Variants in MCC observed in about 807,000 individuals in gnomAD.
MCC encodes MCC regulator of Wnt signaling pathway, also known as colorectal mutant cancer protein.
MCC carries 90 observed loss-of-function variants against 116.2 expected under a neutral mutation model. That is an observed-to-expected ratio of 0.77 (90% confidence interval 0.65 to 0.92). MCC has a LOEUF of 0.92. MCC is among the 40% of genes least tolerant of loss of function. The pLI, the probability that MCC is intolerant of heterozygous loss-of-function variation, is 0.00. For missense variants in MCC, 1,516 were observed against 1,312.2 expected (o/e 1.16, Z -2.40); for synonymous variants, 578 against 510.5 (o/e 1.13, Z -1.78).
Position 113,027,183 on chromosome 5 carries a change from C to T in MCC, c.*119G>A, listed in dbSNP as rs536188909. The T allele has an allele frequency of 5.2e-5, 56 of 1,071,106 alleles. No individual in the cohort carries two copies. Among genetic ancestry groups the T allele is most frequent in the South Asian group, 2.6e-4 (16 of 62,126 alleles). The allele number at this position is 1,071,106 out of a possible 1,614,324, so 66.4% of individuals were successfully genotyped here. ...TTGGGGCACTCCATTGTCCAAGTGC[C>T]GACCTACCTGCCAGCCTTCCCTTTC... On this transcript the variant is annotated 3_prime_UTR_variant, in exon 19 of 19. Transcript: ENST00000408903.
chr5:113,066,183 C>G (rs1386149631), intron 13 of MCC, among the ~76,000 whole-genome samples: 1 of 152,182 alleles, frequency 6.6e-6, no homozygotes, highest in Admixed American at 6.5e-5. Flanking sequence ...CTTTCAGCTC[C>G]TACACCAAAT....
chr5:113,324,144 G>T (rs994963200), intron 3 of MCC, among the ~76,000 whole-genome samples: 1 of 152,132 alleles, frequency 6.6e-6, no homozygotes, highest in Non-Finnish European at 1.5e-5. Flanking sequence ...TGAGGATTTT[G>T]CTGGTTTCTA....
chr5:113,126,959 A>G (rs1758089440), intron 5 of MCC, among the ~76,000 whole-genome samples: 1 of 152,162 alleles, frequency 6.6e-6, no homozygotes, highest in Non-Finnish European at 1.5e-5. Context: ...TTTGTTGTAC[A>G]GATTATTTCA....
At chr5:113,071,309 T>C in intron 11 of MCC, 75 bp from the exon 12 acceptor site, 1 of 1,516,110 alleles carries the variant, frequency 6.6e-7, no homozygotes, top group Non-Finnish European at 9.0e-7. Flanking sequence ...CTCATTTATA[T>C]TCAGGGCAGA....
intron 14 of MCC, among the ~76,000 whole-genome samples, chr5:113,059,619 A>C (rs1343291652): frequency 1.3e-5 from 2 of 152,216 alleles, no homozygotes; most frequent in African/African-American, 4.8e-5. Flanking sequence ...GGGAAGGCTA[A>C]TGACAAAAAC....
intron 1 of MCC, among the ~76,000 whole-genome samples, chr5:113,420,890 C>T (rs796803447): frequency 6.6e-6 from 1 of 152,122 alleles, no homozygotes; most frequent in Non-Finnish European, 1.5e-5. Flanking sequence ...TATTTGGAAT[C>T]AAAGGATTCT....
intron 15 of MCC, 39 bp from the exon 16 acceptor site, chr5:113,049,338 T>A (rs7708603): frequency 5.4e-6 from 8 of 1,494,270 alleles, no homozygotes; most frequent in African/African-American, 1.4e-5. Context: ...AGGCATGCCC[T>A]ATCTGAGAGC....
At chr5:113,176,146 G>C (rs973740189) in intron 3 of MCC, among the ~76,000 whole-genome samples, 2 of 152,100 alleles carry the variant, frequency 1.3e-5, no homozygotes, top group Non-Finnish European at 2.9e-5. Flanking sequence ...TGGGTAAATG[G>C]CTTTGCCTTA....
chr5:113,054,668 AC>A (rs1181749132), intron 14 of MCC, among the ~76,000 whole-genome samples: 3 of 152,170 alleles, frequency 2.0e-5, no homozygotes, highest in African/African-American at 7.2e-5. Flanking sequence ...GGAGTAGGGT[AC>A]CCCCTGGCCT....
At chr5:113,242,831 T>A (rs1289471218) in intron 3 of MCC, among the ~76,000 whole-genome samples, 1 of 151,988 alleles carries the variant, frequency 6.6e-6, no homozygotes, top group Non-Finnish European at 1.5e-5. Flanking sequence ...ACTGTGGAAA[T>A]CGAGAAAGCA....
At chr5:113,274,311 G>A (rs1300606377) in intron 3 of MCC, among the ~76,000 whole-genome samples, 3 of 152,158 alleles carry the variant, frequency 2.0e-5, no homozygotes, top group Non-Finnish European at 4.4e-5. Context: ...AAACCAATAG[G>A]GAAGCATTTG....
intron 3 of MCC, among the ~76,000 whole-genome samples, chr5:113,162,829 T>C (rs1760564556): frequency 6.6e-6 from 1 of 152,106 alleles, no homozygotes; most frequent in Non-Finnish European, 1.5e-5. Context: ...ACAATTATCA[T>C]ATGCCACCCC....
At chr5:113,029,790 C>T (rs1750829178) in intron 17 of MCC, among the ~76,000 whole-genome samples, 1 of 152,236 alleles carries the variant, frequency 6.6e-6, no homozygotes, top group South Asian at 2.1e-4. Flanking sequence ...TTCTCGACTA[C>T]TCTGACTCCC....
intron 3 of MCC, among the ~76,000 whole-genome samples, chr5:113,298,010 G>C (rs1766757152): frequency 6.6e-6 from 1 of 152,288 alleles, no homozygotes; most frequent in Middle Eastern, 3.4e-3. Context: ...TGTTCAGCAG[G>C]AGCTTGAAAT....
intron 3 of MCC, among the ~76,000 whole-genome samples, chr5:113,187,660 C>T (rs1244716847): frequency 1.3e-5 from 2 of 150,844 alleles, no homozygotes; most frequent in South Asian, 2.1e-4. Context: ...GAGGCTGAGG[C>T]GAGAGAATGG....
intron 3 of MCC, among the ~76,000 whole-genome samples, chr5:113,164,581 CA>C (rs2150299492): frequency 6.6e-6 from 1 of 152,314 alleles, no homozygotes; most frequent in East Asian, 1.9e-4. Flanking sequence ...GATCACTTTA[CA>C]AGAGTTTTCA....
intron 1 of MCC, among the ~76,000 whole-genome samples, chr5:113,479,979 T>G (rs561610020): frequency 1.3e-5 from 2 of 152,326 alleles, no homozygotes; most frequent in East Asian, 3.9e-4. Context: ...AGAATCTACT[T>G]TGCTATGAGA....
chr5:113,380,640 G>C (rs1434908082), intron 2 of MCC, among the ~76,000 whole-genome samples: 1 of 152,168 alleles, frequency 6.6e-6, no homozygotes, highest in East Asian at 1.9e-4. Flanking sequence ...TATTTGTATG[G>C]GGAAAGATAG....
At chr5:113,252,269 C>G (rs985553235) in intron 3 of MCC, among the ~76,000 whole-genome samples, 7 of 152,152 alleles carry the variant, frequency 4.6e-5, no homozygotes, top group African/African-American at 1.4e-4. Context: ...GGTACGAGGC[C>G]GCAAAGCAGG....
Sources: allele counts gnomAD v4.1 joint callset (sites outside exome capture counted in the v4.1 genomes callset), GRCh38; gene constraint gnomAD v4.1.1; transcripts MANE v1.5; gene names NCBI Gene and HGNC (gene_info 2026-07-23, HGNC 2026-07-21).